The following CELF5 variants were observed in gnomAD, a reference collection of about 807,000 sequenced individuals.
The protein encoded by CELF5 is CUG-BP and ETR-3 like factor 5.
A neutral mutation model predicts 54.9 loss-of-function variants in CELF5; 6 were observed. The ratio of observed to expected loss-of-function variants is 0.11; its 90% CI spans 0.06 to 0.22. The LOEUF (loss-of-function observed/expected upper bound fraction) is 0.22, where lower values mean the gene tolerates loss of function less well. Among genes scored for constraint, CELF5 ranks in the 10% least tolerant of loss-of-function variants. The pLI, the probability that CELF5 is intolerant of heterozygous loss-of-function variation, is 1.00. For missense variants in CELF5, 401 were observed against 678.6 expected, an observed-to-expected ratio of 0.59 and a Z score of 4.54; for synonymous variants, 271 against 290.9, an observed-to-expected ratio of 0.93 and a Z score of 0.70.
rs141661243 is a variant in CELF5 at position 3,290,613 on chromosome 19, G to T, written c.1330+239G>T. Among the ~76,000 whole-genome samples, 1,409 of 149,988 alleles carry T rather than the reference G, an allele frequency of 9.4e-3. 18 individuals carry two copies. The highest frequency in any genetic ancestry group is 0.02 in the South Asian group (92 of 4,700). ...GAGTCTCGCTCTGTCGCCCAGGCTG[G>T]AGTGCAGTGGTGCAATCTCGGCTCA... On this transcript the variant is annotated intron_variant, in intron 11 of 12. Coordinates refer to ENST00000292672, the MANE Select transcript of CELF5 (RefSeq NM_021938.4).
At chr19:3,247,811 G>T (rs2079589136) in intron 1 of CELF5, among the ~76,000 whole-genome samples, 1 of 151,968 alleles carries the variant, frequency 6.6e-6, no homozygotes, top group Non-Finnish European at 1.5e-5. Context: ...GCCCAGGCTG[G>T]AGTGCAGTGG....
intron 2 of CELF5, among the ~76,000 whole-genome samples, chr19:3,256,947 G>A (rs567709370): frequency 2.0e-5 from 3 of 152,106 alleles, no homozygotes; most frequent in South Asian, 4.2e-4. Flanking sequence ...CTCATAGCAC[G>A]ATCATAGCTC....
intron 2 of CELF5, among the ~76,000 whole-genome samples, chr19:3,258,556 G>A (rs2145176282): frequency 6.6e-6 from 1 of 152,218 alleles, no homozygotes; most frequent in Non-Finnish European, 1.5e-5. Flanking sequence ...TTCTAAATAA[G>A]GGCATATCCA....
At chr19:3,287,872 T>C (rs2080280295) in intron 10 of CELF5, among the ~76,000 whole-genome samples, 1 of 152,216 alleles carries the variant, frequency 6.6e-6, no homozygotes, top group African/African-American at 2.4e-5. Context: ...GGTTTAGAAA[T>C]GCATGAGACT....
chr19:3,283,414 C>T (rs1025248000), intron 8 of CELF5, among the ~76,000 whole-genome samples: 3 of 150,726 alleles, frequency 2.0e-5, no homozygotes, highest in East Asian at 2.0e-4. Context: ...GCAGTGGTGT[C>T]GTCGCAGCTC....
At chr19:3,250,639 C>T (rs1036543640) in intron 1 of CELF5, among the ~76,000 whole-genome samples, 19 of 152,164 alleles carry the variant, frequency 1.2e-4, no homozygotes, top group African/African-American at 4.1e-4. Flanking sequence ...CCTCATTCCC[C>T]TCCCCAGCCC....
intron 2 of CELF5, among the ~76,000 whole-genome samples, chr19:3,257,779 A>ATTT (rs34573776): frequency 8.1e-6 from 1 of 123,782 alleles, no homozygotes; most frequent in African/African-American, 3.1e-5. Flanking sequence ...CCCAGCCTCC[A>ATTT]TTTTTTTTTA....
At chr19:3,253,747 C>T (rs2079681737) in intron 2 of CELF5, among the ~76,000 whole-genome samples, 1 of 152,190 alleles carries the variant, frequency 6.6e-6, no homozygotes, top group Non-Finnish European at 1.5e-5. Flanking sequence ...AGTCTGACTC[C>T]AGACCCTGTG....
chr19:3,250,899 TCCACCTAGTGG>T, intron 1 of CELF5, 75 bp from the exon 2 acceptor site: 1 of 888,298 alleles, frequency 1.1e-6, no homozygotes, highest in Non-Finnish European at 1.9e-6. Context: ...TTGGGTTGCT[TCCACCTAGTGG>T]CCACTGTGGG....
chr19:3,235,137 C>T (rs1036575555), intron 1 of CELF5, among the ~76,000 whole-genome samples: 2 of 152,200 alleles, frequency 1.3e-5, no homozygotes, highest in Non-Finnish European at 2.9e-5. Context: ...AGGCGTGGTC[C>T]TACTCCAGGA....
chr19:3,238,059 G>T (rs1350298889), intron 1 of CELF5, among the ~76,000 whole-genome samples: 1 of 148,498 alleles, frequency 6.7e-6, no homozygotes, highest in Admixed American at 6.8e-5. Context: ...AAAAAAAAGA[G>T]AATATCTAAC....
At chr19:3,272,407 C>T (rs951604982) in intron 2 of CELF5, among the ~76,000 whole-genome samples, 1 of 151,828 alleles carries the variant, frequency 6.6e-6, no homozygotes, top group Admixed American at 6.6e-5. Context: ...AAAAAGAAAA[C>T]CTGGCACTTT....
intron 1 of CELF5, among the ~76,000 whole-genome samples, chr19:3,225,263 C>T: frequency 9.3e-6 from 1 of 107,412 alleles, no homozygotes; most frequent in Non-Finnish European, 1.9e-5. Flanking sequence ...TCTCTCTCTC[C>T]CTCTCTCTCT....
At position 3,224,686 on chromosome 19, in the gene CELF5, G is replaced by A; in HGVS notation, c.-54G>A. The A allele has an allele frequency of 1.0e-6, 1 of 991,332 alleles. No individual in the cohort carries two copies. Among genetic ancestry groups the A allele is most frequent in the Non-Finnish European group, 1.2e-6 (1 of 834,826 alleles). The allele number at this position is 991,332 out of a possible 1,614,324, so 61.4% of individuals were successfully genotyped here. ...GGGAGGCGCGGCCGCCGCTCCAGCTGCGAGTCCGCCCGCCGCCCGCCGCCG... is the reference window on the plus strand; with the variant it reads ...GGGAGGCGCGGCCGCCGCTCCAGCTACGAGTCCGCCCGCCGCCCGCCGCCG... On this transcript the variant is annotated 5_prime_UTR_variant, in exon 1 of 13. Transcript: ENST00000292672.
At chr19:3,233,973 C>A (rs1917397284) in intron 1 of CELF5, among the ~76,000 whole-genome samples, 1 of 152,208 alleles carries the variant, frequency 6.6e-6, no homozygotes, top group Admixed American at 6.5e-5. Context: ...CTGGAGGTAG[C>A]TGGAAGACAG....
chr19:3,289,681 C>CAAAAAAAAAAA lies in CELF5; in HGVS notation c.1187-526_1187-516dup, dbSNP rs35144942. Among the ~76,000 whole-genome samples, 68 of 47,124 alleles carry CAAAAAAAAAAA rather than the reference C, an allele frequency of 1.4e-3. 6 individuals carry two copies. Among genetic ancestry groups the CAAAAAAAAAAA allele is most frequent in the African/African-American group, 1.6e-3 (16 of 10,006 alleles). 30.9% of individuals were successfully genotyped at this position (47,124 alleles called of 152,430 possible). A position where few individuals can be genotyped will look rare whatever the true frequency, so the allele number is the denominator to read the frequency against. On this transcript the variant is annotated intron_variant, in intron 10 of 12. Coordinates refer to ENST00000292672, the MANE Select transcript of CELF5 (RefSeq NM_021938.4). ...TGGGCGACAGAGCGAGACTCCATCT[C>CAAAAAAAAAAA]AAAAAAAAAAAAAAAAAAAAAAAAA...
chr19:3,277,939 A>T (rs964006609), intron 4 of CELF5, 92 bp from the exon 5 acceptor site: 41 of 910,178 alleles, frequency 4.5e-5, no homozygotes, highest in Non-Finnish European at 6.9e-5. Flanking sequence ...GACACTGGCC[A>T]TGTAGGTCTC....
At chr19:3,266,779 G>T (rs890039160) in intron 2 of CELF5, among the ~76,000 whole-genome samples, 1 of 152,172 alleles carries the variant, frequency 6.6e-6, no homozygotes, top group Admixed American at 6.5e-5. Context: ...GAGTGAGAAT[G>T]GGAGGCTGGT....
intron 2 of CELF5, among the ~76,000 whole-genome samples, chr19:3,266,533 C>T (rs1003182106): frequency 2.6e-5 from 4 of 152,200 alleles, no homozygotes; most frequent in South Asian, 2.1e-4. Context: ...GATGCAAATA[C>T]GTCATTTACT....
Sources: gnomAD v4.1 joint callset for allele counts (sites outside exome capture counted in the v4.1 genomes callset) on GRCh38, gnomAD v4.1.1 for gene constraint, MANE v1.5 for transcripts, NCBI Gene and HGNC (gene_info 2026-07-23, HGNC 2026-07-21) for gene names.